SRGAP2C: variants seen among roughly 807,000 people sequenced by gnomAD.
SRGAP2C encodes SLIT-ROBO Rho GTPase-activating protein 2C.
SRGAP2C carries 15 observed loss-of-function variants against 25.1 expected under a neutral mutation model. The ratio of observed to expected loss-of-function variants is 0.60; its 90% CI spans 0.40 to 0.92. The LOEUF (loss-of-function observed/expected upper bound fraction) is 0.92. Among genes scored for constraint, SRGAP2C ranks in the 40% least tolerant of loss-of-function variants. SRGAP2C has a pLI of 0.00. For synonymous variants in SRGAP2C, 44 were observed against 96.6 expected (o/e 0.46, Z 3.19); for missense variants, 144 against 264.4 (o/e 0.54, Z 3.16).
intron 2 of SRGAP2C, among the ~76,000 whole-genome samples, chr1:121,211,458 C>CACACACACACACAT (rs1553323708): frequency 1.0e-4 from 14 of 139,468 alleles, no homozygotes; most frequent in African/African-American, 2.4e-4. Flanking sequence ...CACACACACA[C>CACACACACACACAT]ACATCTTACC....
chr1:121,314,797 C>A lies in SRGAP2C; in HGVS notation c.261-9681C>A, dbSNP rs1658057406. The A allele has an allele frequency of 6.7e-6, 3 of 445,360 alleles. No homozygotes were observed. In the Admixed American group the frequency reaches 9.2e-5, roughly 14 times the overall value. The allele number at this position is 445,360 out of a possible 1,614,324, so 27.6% of individuals were successfully genotyped here. On this transcript the variant is annotated intron_variant, in intron 3 of 9. Transcript: ENST00000367123. The stretch of plus-strand genomic sequence containing the variant: ...AGTCTGCCCGTTCTCAGATCTCCAG[C>A]TGCCTGCTGGGAGAACCACTGCTCT...
In SRGAP2C at chr1:121,284,982, G is replaced by A. The variant is rs1657327174; in HGVS notation, c.247G>A (p.Asp83Asn). 4 of 1,526,820 alleles carry A rather than the reference G, an allele frequency of 2.6e-6. No individual in the cohort carries two copies. Among genetic ancestry groups the A allele is most frequent in the Non-Finnish European group, 1.8e-6 (2 of 1,136,422 alleles). 94.6% of individuals were successfully genotyped at this position (1,526,820 alleles called of 1,614,324 possible). Residue 83 changes from aspartate to asparagine, a missense_variant, in exon 3 of 10, where the codon GAC (aspartate) becomes AAC (asparagine). Coordinates refer to ENST00000367123, the MANE Select transcript of SRGAP2C (RefSeq NM_001329984.2). ...CCTGGCCAAGACACGCAGCACCAAG[G>A]ACCAGCAATTCAAGTAGGGGCTCTG... Reference protein sequence around the residue: ...HFLAKTRSTKDQQFKKDQNVL... With the variant: ...HFLAKTRSTKNQQFKKDQNVL...
Position 121,261,021 on chromosome 1 carries a change from T to C in SRGAP2C, c.68-23782T>C, listed in dbSNP as rs1459132545. On this transcript the variant is annotated intron_variant, in intron 2 of 9. Transcript: ENST00000367123. ...ATGGCTTACTGCAGCCTTGACCTCCTGGGCTCAGGCAATCCTCCCACCTCA... is the reference window on the plus strand; with the variant it reads ...ATGGCTTACTGCAGCCTTGACCTCCCGGGCTCAGGCAATCCTCCCACCTCA... Among the ~76,000 whole-genome samples the C allele has an allele frequency of 8.4e-5, 9 of 106,736 alleles. No individual in the cohort carries two copies. The Admixed American group carries it at 9.7e-4, about 12-fold the overall frequency. The allele number at this position is 106,736 out of a possible 152,430, so 70.0% of individuals were successfully genotyped here.
intron 2 of SRGAP2C, among the ~76,000 whole-genome samples, chr1:121,222,981 G>T (rs587616769): frequency 4.3e-4 from 65 of 151,634 alleles, no homozygotes; most frequent in African/African-American, 1.5e-3. Flanking sequence ...CCTCCCCAGG[G>T]TTATCAGGTC....
chr1:121,259,852 T>G (rs1320405610), intron 2 of SRGAP2C, among the ~76,000 whole-genome samples: 16 of 140,528 alleles, frequency 1.1e-4, no homozygotes, highest in African/African-American at 4.1e-4. Context: ...ACTTTTTTTT[T>G]TTTTTTTTTT....
intron 3 of SRGAP2C, among the ~76,000 whole-genome samples, chr1:121,298,360 G>C (rs1307215505): frequency 3.3e-5 from 5 of 150,522 alleles, no homozygotes; most frequent in African/African-American, 7.4e-5. Context: ...AAGATATACT[G>C]TTGAGGCCCA....
chr1:121,352,997 G>A (rs587713853), intron 4 of SRGAP2C, among the ~76,000 whole-genome samples: 2 of 150,934 alleles, frequency 1.3e-5, no homozygotes, highest in Admixed American at 1.3e-4. Context: ...GGCTGAGGCA[G>A]GAGAATGGCG....
intron 2 of SRGAP2C, among the ~76,000 whole-genome samples, chr1:121,208,042 T>C (rs1380097152): frequency 6.6e-6 from 1 of 151,312 alleles, no homozygotes; most frequent in Non-Finnish European, 1.5e-5. Context: ...TCAAGCCTCT[T>C]CAGATATAGG....
intron 2 of SRGAP2C, among the ~76,000 whole-genome samples, chr1:121,201,734 A>G (rs368830756): frequency 1.1e-4 from 17 of 152,256 alleles, no homozygotes; most frequent in Non-Finnish European, 2.2e-4. Context: ...AAGCAAGGCT[A>G]TTTGGCCTGT....
At chr1:121,351,578 C>A (rs1279769662) in intron 4 of SRGAP2C, among the ~76,000 whole-genome samples, 1 of 140,236 alleles carries the variant, frequency 7.1e-6, no homozygotes, top group African/African-American at 2.8e-5. Flanking sequence ...CCACTGCACT[C>A]CAGCCTGGGC....
intron 4 of SRGAP2C, among the ~76,000 whole-genome samples, chr1:121,340,767 T>A (rs1658635143): frequency 6.6e-6 from 1 of 151,554 alleles, no homozygotes; most frequent in Admixed American, 6.6e-5. Flanking sequence ...CTGTTTCTTA[T>A]CTTACAGAAA....
At chr1:121,233,170 A>T (rs1553327860) in intron 2 of SRGAP2C, among the ~76,000 whole-genome samples, 1 of 132,930 alleles carries the variant, frequency 7.5e-6, no homozygotes, top group African/African-American at 2.8e-5. Context: ...TTTTTGAGAC[A>T]GAGTCTTGCT....
chr1:121,366,710 A>T (rs1165743042), intron 5 of SRGAP2C, among the ~76,000 whole-genome samples: 3 of 151,666 alleles, frequency 2.0e-5, no homozygotes, highest in Admixed American at 1.3e-4. Context: ...CCTAGCAGAG[A>T]ATTCCCTAAG....
chr1:121,329,764 T>C (rs1354384580), intron 4 of SRGAP2C, among the ~76,000 whole-genome samples: 2 of 151,914 alleles, frequency 1.3e-5, no homozygotes, highest in African/African-American at 2.4e-5. Context: ...ACATTTTGCA[T>C]GAAGCCATGT....
chr1:121,279,317 G>T lies in SRGAP2C; in HGVS notation c.68-5486G>T, dbSNP rs1331365425. On this transcript the variant is annotated intron_variant, in intron 2 of 9. Coordinates refer to ENST00000367123, the MANE Select transcript of SRGAP2C (RefSeq NM_001329984.2). Reference sequence around the variant, plus strand: ...TGAAGAAGAAGATGAATTTTGAAAGGAGGAAAGAAAGGGATCTCTGGATTC... The same window carrying T: ...TGAAGAAGAAGATGAATTTTGAAAGTAGGAAAGAAAGGGATCTCTGGATTC... 1.7e-3 allele frequency among the ~76,000 whole-genome samples: 263 copies of T among 150,322 alleles called. 6 individuals are homozygous for T. The South Asian group carries it at 0.053, about 30-fold the overall frequency.
intron 2 of SRGAP2C, among the ~76,000 whole-genome samples, chr1:121,233,145 C>CTTT (rs1196199123): frequency 1.6e-3 from 194 of 117,666 alleles, no homozygotes; most frequent in African/African-American, 3.9e-3. Context: ...CCCCTTGGTT[C>CTTT]TTTTTTTTTT....
chr1:121,188,701 G>C (rs1384964815), intron 2 of SRGAP2C, among the ~76,000 whole-genome samples: 8 of 129,666 alleles, frequency 6.2e-5, no homozygotes, highest in African/African-American at 2.1e-4. Flanking sequence ...TCTAATGATT[G>C]CTGGGGGGTG....
intron 2 of SRGAP2C, among the ~76,000 whole-genome samples, chr1:121,228,362 T>A (rs1284266487): frequency 1.3e-5 from 2 of 148,678 alleles, no homozygotes; most frequent in Non-Finnish European, 3.0e-5. Flanking sequence ...AGTCAAGGAG[T>A]TACAGGGGGA....
At chr1:121,309,657 A>C (rs1352478867) in intron 3 of SRGAP2C, among the ~76,000 whole-genome samples, 1 of 141,966 alleles carries the variant, frequency 7.0e-6, no homozygotes, top group South Asian at 2.4e-4. Context: ...CCCACCTATG[A>C]GTGAGAATAT....
Sources: gnomAD v4.1 joint callset for allele counts (sites outside exome capture counted in the v4.1 genomes callset) on GRCh38, gnomAD v4.1.1 for gene constraint, MANE v1.5 for transcripts, NCBI Gene and HGNC (gene_info 2026-07-23, HGNC 2026-07-21) for gene names.